Variants in PXK observed in about 807,000 individuals in gnomAD.
PXK encodes PX domain containing serine/threonine kinase like.
A neutral mutation model predicts 84.7 loss-of-function variants in PXK; 35 were observed. That is an observed-to-expected ratio of 0.41 (90% CI 0.32 to 0.55). The LOEUF is 0.55. Ranked by LOEUF, PXK falls within the 20% of genes least tolerant of loss-of-function variation. The pLI is 0.21. For missense variants in PXK, 634 were observed against 699.7 expected (o/e 0.91, Z 1.06); for synonymous variants, 253 against 260.8 (o/e 0.97, Z 0.29).
intron 17 of PXK, among the ~76,000 whole-genome samples, chr3:58,423,675 A>G (rs2062321427): frequency 6.6e-6 from 1 of 152,156 alleles, no homozygotes; most frequent in Admixed American, 6.5e-5. Flanking sequence ...ACCTGGCAGA[A>G]TGTCTCCCTG....
intron 1 of PXK, among the ~76,000 whole-genome samples, chr3:58,348,737 C>G (rs1197140952): frequency 6.6e-6 from 1 of 150,608 alleles, no homozygotes; most frequent in Non-Finnish European, 1.5e-5. Flanking sequence ...ATAGCAAGAT[C>G]TAGTCTCTAC....
chr3:58,378,536 G>T (rs1266334485), intron 3 of PXK, among the ~76,000 whole-genome samples: 3 of 89,328 alleles, frequency 3.4e-5, no homozygotes, highest in African/African-American at 7.7e-5. Flanking sequence ...GTGTGTGTGT[G>T]TGTGTGTGTG....
At chr3:58,410,022 T>A in intron 15 of PXK, 68 bp from the exon 16 acceptor site, 1 of 998,666 alleles carries the variant, frequency 1.0e-6, no homozygotes, top group Non-Finnish European at 1.6e-6. Context: ...TTATTCTAAC[T>A]CCCAGCTTCA....
chr3:58,401,248 G>A lies in PXK; in HGVS notation c.1181+1871G>A, dbSNP rs945353655. 3.9e-5 allele frequency among the ~76,000 whole-genome samples: 6 copies of A among 152,168 alleles called. No individual in the cohort carries two copies. On this transcript the variant is annotated intron_variant, in intron 12 of 17. Coordinates refer to ENST00000356151, the MANE Select transcript of PXK (RefSeq NM_017771.5). This position sits in a 1 kb window ranked among gnomAD's most constrained non-coding sequence, Gnocchi z 4.4. ...AGAGATGTGTGGCTGAGGGACAGGC[G>A]GGGCCCTGAAGAGCCCTGTGGGGAA...
At chr3:58,405,907 T>C (rs2059328744) in intron 13 of PXK, among the ~76,000 whole-genome samples, 2 of 152,204 alleles carry the variant, frequency 1.3e-5, no homozygotes. Context: ...AGAAGATATC[T>C]CTGAAGTTAT....
In PXK at chr3:58,391,837, C is replaced by A; in HGVS notation, c.605C>A (p.Pro202His). 1 of 1,610,966 alleles carries A rather than the reference C, an allele frequency of 6.2e-7. No homozygotes were observed. Among genetic ancestry groups the A allele is most frequent in the Non-Finnish European group, 8.5e-7 (1 of 1,177,196 alleles). ...KDFQCLIKLL[P>H]SCLHPYIYRV... ...TTTCAGTGTCTAATCAAACTTCTGC[C>A]TTCTTGTTTGGTGAGTATACGTCTT... Residue 202 changes from proline (P) to histidine (H), a missense_variant, in exon 7 of 18, where the codon CCT becomes CAT. By Grantham distance (77) the Pro-to-His change is moderately conservative. Transcript: ENST00000356151.
intron 1 of PXK, among the ~76,000 whole-genome samples, chr3:58,345,300 A>G (rs2107845965): frequency 6.6e-6 from 1 of 152,256 alleles, no homozygotes; most frequent in East Asian, 1.9e-4. Flanking sequence ...CTAACTTGCA[A>G]ACTCCTTTCA....
intron 17 of PXK, chr3:58,422,918 G>A: frequency 1.0e-6 from 1 of 985,386 alleles, no homozygotes; most frequent in Non-Finnish European, 1.2e-6. Flanking sequence ...AAACCTGGGA[G>A]GCAGAAACCC....
Position 58,407,511 on chromosome 3 carries a change from C to T in PXK, c.1231-1413C>T, listed in dbSNP as rs2059569719. On this transcript the variant is annotated intron_variant, in intron 13 of 17. Transcript: ENST00000356151. This position sits in a 1 kb window ranked among gnomAD's most constrained non-coding sequence, Gnocchi z 4.3. ...CCCATTTCTTGAGTTGTCTTTTACT[C>T]CGTTTTTCTTTGTTGCACCAATGTT... Among the ~76,000 whole-genome samples the T allele has an allele frequency of 6.6e-6, 1 of 151,322 alleles. No individual in the cohort carries two copies. The highest frequency in any genetic ancestry group is 1.5e-5 in the Non-Finnish European group (1 of 67,814).
rs1488097330 is a variant in PXK at position 58,364,190 on chromosome 3, A to G, written c.103-1684A>G. Among the ~76,000 whole-genome samples the G allele has an allele frequency of 2.6e-5, 4 of 152,142 alleles. No individual in the cohort carries two copies. In the South Asian group the frequency reaches 6.2e-4, roughly 24 times the overall value. On this transcript the variant is annotated intron_variant, in intron 1 of 17. Transcript: ENST00000356151. The surrounding 1 kb of genome is among the most constrained non-coding windows in gnomAD (Gnocchi z 4.3). ...CTATGTTTGTGAATGGTATTGATCT[A>G]TAGTTCTCTTTTTTGTACTGTCTTT...
At chr3:58,378,177 C>G (rs971072463) in intron 3 of PXK, among the ~76,000 whole-genome samples, 9 of 152,172 alleles carry the variant, frequency 5.9e-5, no homozygotes, top group Admixed American at 3.3e-4. Context: ...TTCCTTCTTC[C>G]TCTCAACTCC....
At chr3:58,395,533 C>T in intron 8 of PXK, 125 bp from the exon 9 acceptor site, 2 of 700,238 alleles carry the variant, frequency 2.9e-6, no homozygotes, top group Non-Finnish European at 2.5e-6. Flanking sequence ...TTTAAAAACT[C>T]ACATCTTGCA....
chr3:58,336,065 ATATATATT>A (rs1305103016), intron 1 of PXK, among the ~76,000 whole-genome samples: 76 of 57,110 alleles, frequency 1.3e-3, no homozygotes, highest in African/African-American at 6.2e-3. Context: ...ATATATATAT[ATATATATT>A]TTTTTTTTTT....
Position 58,401,619 on chromosome 3 carries a change from C to T in PXK, c.1181+2242C>T, listed in dbSNP as rs1266062654. ...CCAGCCTAGATGACAGAGTAAGACC[C>T]TGTCTCAAAAATAAAACAAAGTGAG... On this transcript the variant is annotated intron_variant, in intron 12 of 17. Coordinates refer to ENST00000356151, the MANE Select transcript of PXK (RefSeq NM_017771.5). The surrounding 1 kb of genome is among the most constrained non-coding windows in gnomAD (Gnocchi z 4.4). Among the ~76,000 whole-genome samples the T allele has an allele frequency of 6.6e-6, 1 of 151,932 alleles. No individual in the cohort carries two copies. Among genetic ancestry groups the T allele is most frequent in the Non-Finnish European group, 1.5e-5 (1 of 67,970 alleles).
chr3:58,366,286 G>A (rs1304265689), intron 2 of PXK, among the ~76,000 whole-genome samples: 3 of 152,154 alleles, frequency 2.0e-5, no homozygotes, highest in Non-Finnish European at 4.4e-5. Context: ...GTGAGATTGA[G>A]TCTTGGTTAT....
chr3:58,348,441 A>ACAGAGGCCTT (rs1276027499), intron 1 of PXK, among the ~76,000 whole-genome samples: 3 of 152,186 alleles, frequency 2.0e-5, no homozygotes, highest in African/African-American at 7.2e-5. Context: ...ACTACATACG[A>ACAGAGGCCTT]CAGAGGCCTT....
chr3:58,355,703 T>A (rs1209798541), intron 1 of PXK, among the ~76,000 whole-genome samples: 1 of 152,170 alleles, frequency 6.6e-6, no homozygotes, highest in Non-Finnish European at 1.5e-5. Context: ...ATTAATCAAT[T>A]CCAAAGGTGT....
At chr3:58,342,413 T>C (rs1460033330) in intron 1 of PXK, among the ~76,000 whole-genome samples, 3 of 151,268 alleles carry the variant, frequency 2.0e-5, no homozygotes, top group East Asian at 1.9e-4. Flanking sequence ...GAGGCTGAGG[T>C]AGGTGGATGG....
chr3:58,342,634 C>CA (rs71091369), intron 1 of PXK, among the ~76,000 whole-genome samples: 1,482 of 113,266 alleles, frequency 0.013, 26 homozygotes, highest in African/African-American at 0.027. Context: ...GACTCTGTCT[C>CA]AAAAAAAAAA....
Sources: gnomAD v4.1 joint callset for allele counts (sites outside exome capture counted in the v4.1 genomes callset) on GRCh38, gnomAD v4.1.1 for gene constraint, Gnocchi (gnomAD v3.1) non-coding constraint, MANE v1.5 for transcripts, NCBI Gene and HGNC (gene_info 2026-07-23, HGNC 2026-07-21) for gene names.